The following AKAP6 variants were observed in gnomAD, a reference collection of about 807,000 sequenced individuals.
The protein encoded by AKAP6 is A-kinase anchor protein 6.
A neutral mutation model predicts 188.5 loss-of-function variants in AKAP6; 58 were observed. The observed-to-expected ratio is 0.31, with a 90% CI of 0.25 to 0.38. The LOEUF (loss-of-function observed/expected upper bound fraction) is 0.38, where lower values mean the gene tolerates loss of function less well. Ranked by LOEUF, AKAP6 falls within the 10% of genes least tolerant of loss-of-function variation. The pLI is 1.00. For missense variants in AKAP6, 2,710 were observed against 2,740.0 expected, an observed-to-expected ratio of 0.99 and a Z score of 0.24; for synonymous variants, 989 against 998.6, an observed-to-expected ratio of 0.99 and a Z score of 0.18.
chr14:32,412,885 G>C (rs1207474257), intron 1 of AKAP6, among the ~76,000 whole-genome samples: 3 of 152,226 alleles, frequency 2.0e-5, no homozygotes, highest in South Asian at 4.2e-4. Context: ...AAAAAAGATG[G>C]TATGGTGGGC....
chr14:32,664,337 T>C (rs1366295353), intron 7 of AKAP6, among the ~76,000 whole-genome samples: 5 of 152,112 alleles, frequency 3.3e-5, no homozygotes, highest in Non-Finnish European at 7.4e-5. Context: ...TGTAGAGTTG[T>C]GTGTATGTGT....
intron 1 of AKAP6, among the ~76,000 whole-genome samples, chr14:32,407,558 T>A (rs891232770): frequency 1.3e-5 from 2 of 152,206 alleles, no homozygotes; most frequent in Non-Finnish European, 1.5e-5. Flanking sequence ...TCAGAGCTCC[T>A]AAAACTGATA....
intron 7 of AKAP6, among the ~76,000 whole-genome samples, chr14:32,669,327 A>G (rs1249753734): frequency 1.3e-5 from 2 of 152,208 alleles, no homozygotes; most frequent in East Asian, 3.8e-4. Context: ...TAGAAGAACA[A>G]CATGAGATTC....
At chr14:32,696,419 G>A (rs1890405393) in intron 9 of AKAP6, among the ~76,000 whole-genome samples, 1 of 152,168 alleles carries the variant, frequency 6.6e-6, no homozygotes. Flanking sequence ...ACAAAATGAA[G>A]GATAAATGGA....
intron 9 of AKAP6, among the ~76,000 whole-genome samples, chr14:32,723,679 A>G (rs2030689006): frequency 6.6e-6 from 1 of 152,030 alleles, no homozygotes; most frequent in Admixed American, 6.6e-5. Context: ...GAACTGAGTT[A>G]AGGGTTGCCC....
At chr14:32,728,963 A>G (rs2031030601) in intron 9 of AKAP6, among the ~76,000 whole-genome samples, 1 of 152,064 alleles carries the variant, frequency 6.6e-6, no homozygotes, top group Admixed American at 6.6e-5. Context: ...TGATCCCTCT[A>G]TTTCAAAAAG....
chr14:32,448,288 GC>G (rs1193819621), intron 2 of AKAP6, among the ~76,000 whole-genome samples: 1 of 152,158 alleles, frequency 6.6e-6, no homozygotes, highest in Non-Finnish European at 1.5e-5. Context: ...TACACCCTAA[GC>G]AAACTGTAAA....
intron 2 of AKAP6, among the ~76,000 whole-genome samples, chr14:32,435,098 T>C (rs1441443853): frequency 6.6e-6 from 1 of 152,194 alleles, no homozygotes; most frequent in East Asian, 1.9e-4. Context: ...GTTTGTATAA[T>C]CAGAATAGCA....
rs1271898087 is a variant in AKAP6, at chr14:32,568,675, T to C, written c.2347-8445T>C. On this transcript the variant is annotated intron_variant, in intron 4 of 13. Coordinates refer to ENST00000280979, the MANE Select transcript of AKAP6 (RefSeq NM_004274.5). The surrounding 1 kb of genome is among the most constrained non-coding windows in gnomAD (Gnocchi z 6.2). ...GCAGTCATACTACCTGAATGAGGGG[T>C]CCCCAGCTTCATACCTGACAATGTT... Among the ~76,000 whole-genome samples, 3 of 152,050 alleles carry C rather than the reference T, an allele frequency of 2.0e-5. No individual in the cohort carries two copies. The highest frequency in any genetic ancestry group is 2.1e-4 in the South Asian group (1 of 4,814).
chr14:32,510,704 A>G (rs988018992), intron 2 of AKAP6, among the ~76,000 whole-genome samples: 4 of 151,926 alleles, frequency 2.6e-5, no homozygotes, highest in Non-Finnish European at 5.9e-5. Context: ...AACAAATGCT[A>G]TTATAATTTG....
At chr14:32,451,920 C>T (rs1890948263) in intron 2 of AKAP6, among the ~76,000 whole-genome samples, 1 of 151,580 alleles carries the variant, frequency 6.6e-6, no homozygotes, top group Non-Finnish European at 1.5e-5. Context: ...CACCCCTTTT[C>T]TCCAAATCAA....
At position 32,773,680 on chromosome 14, in the gene AKAP6, C is replaced by T. The variant is rs750975957; in HGVS notation, c.3375C>T (p.Ser1125=). The change falls in exon 12 of 14, where the codon TCC becomes TCT. Residue 1125 remains serine, a splice_region_variant and synonymous_variant. Transcript: ENST00000280979. ...ATTGGTTTCTCTCTATGTTGCAGTC[C>T]CTCTGTCGTGAAATCAAGCAACGAC... ...NTEKQLQYFK[S]LCREIKQRRR... is the part of the protein sequence containing the mutation. The T allele has an allele frequency of 6.2e-7, 1 of 1,613,702 alleles. No individual in the cohort carries two copies. Among genetic ancestry groups the T allele is most frequent in the Non-Finnish European group, 8.5e-7 (1 of 1,179,778 alleles).
chr14:32,819,011 C>G (rs555971810), intron 12 of AKAP6, among the ~76,000 whole-genome samples: 1 of 152,168 alleles, frequency 6.6e-6, no homozygotes, highest in Admixed American at 6.5e-5. Context: ...AAGATTTTAA[C>G]ATTCATTAGC....
intron 12 of AKAP6, among the ~76,000 whole-genome samples, chr14:32,796,566 G>A (rs1401805250): frequency 3.3e-5 from 5 of 152,140 alleles, no homozygotes; most frequent in Non-Finnish European, 7.4e-5. Context: ...TGCTGGGACA[G>A]CTGGCTAGCC....
chr14:32,513,721 A>T (rs192565872), intron 2 of AKAP6, among the ~76,000 whole-genome samples: 5 of 152,304 alleles, frequency 3.3e-5, no homozygotes, highest in Admixed American at 2.0e-4. Flanking sequence ...GAAAAATTTT[A>T]AACATACAGA....
At chr14:32,618,587 A>G (rs1436859756) in intron 7 of AKAP6, among the ~76,000 whole-genome samples, 2 of 151,920 alleles carry the variant, frequency 1.3e-5, no homozygotes, top group African/African-American at 2.4e-5. Flanking sequence ...TTCTTTATCT[A>G]CTCATTGGTT....
chr14:32,691,884 AT>A (rs1890195071), intron 8 of AKAP6, among the ~76,000 whole-genome samples: 2 of 152,248 alleles, frequency 1.3e-5, no homozygotes, highest in South Asian at 4.1e-4. Context: ...TATATGTTTG[AT>A]TTCACTAAAT....
At chr14:32,727,844 A>G (rs1316320331) in intron 9 of AKAP6, among the ~76,000 whole-genome samples, 1 of 152,342 alleles carries the variant, frequency 6.6e-6, no homozygotes, top group African/African-American at 2.4e-5. Flanking sequence ...AGAAATAACA[A>G]CTATTATTTG....
intron 7 of AKAP6, among the ~76,000 whole-genome samples, chr14:32,669,396 A>G (rs866872448): frequency 1.6e-4 from 24 of 152,218 alleles, no homozygotes; most frequent in Non-Finnish European, 2.5e-4. Flanking sequence ...TAATCATGGT[A>G]TGTGAATAAA....
Sources: allele counts gnomAD v4.1 joint callset (sites outside exome capture counted in the v4.1 genomes callset), GRCh38; gene constraint gnomAD v4.1.1; non-coding constraint Gnocchi (gnomAD v3.1); transcripts MANE v1.5; gene names NCBI Gene and HGNC (gene_info 2026-07-23, HGNC 2026-07-21).